Variants in AKAP1 observed in about 807,000 individuals in gnomAD.
AKAP1 encodes the protein A-kinase anchor protein 1, mitochondrial.
Under a neutral mutation model 79.8 loss-of-function variants are expected in AKAP1, and 32 were observed. The ratio of observed to expected loss-of-function variants is 0.40; its 90% confidence interval spans 0.30 to 0.54. The LOEUF is 0.54. AKAP1 is among the 20% of genes least tolerant of loss of function. The probability of loss-of-function intolerance (pLI) is 0.47; values close to 1 mark genes in which losing one functional copy is unlikely to be tolerated. For synonymous variants in AKAP1, 416 were observed against 466.7 expected (o/e 0.89, Z 1.40); for missense variants, 961 against 1,138.9 (o/e 0.84, Z 2.25).
At chr17:57,118,596 T>C in intron 9 of AKAP1, 142 bp downstream of exon 9, 2 of 770,896 alleles carry the variant, frequency 2.6e-6, no homozygotes, top group South Asian at 3.4e-5. Context: ...ATACTTGATA[T>C]TAGTCTGTTC....
chr17:57,110,530 G>T (rs1414968720), intron 3 of AKAP1, among the ~76,000 whole-genome samples: 1 of 152,184 alleles, frequency 6.6e-6, no homozygotes. Context: ...AGTGCTCCAA[G>T]TGTATTTTAT....
rs116385308 is a variant in AKAP1 at position 57,101,049 on chromosome 17, A to G, written c.-24-4392A>G. The stretch of plus-strand genomic sequence containing the variant: ...CCGTCTCAAAAAATTAAATAAAATT[A>G]TTTTTATTGGGCAGCCCCCAAACTA... On this transcript the variant is annotated intron_variant, in intron 1 of 10. Coordinates refer to ENST00000337714, the MANE Select transcript of AKAP1 (RefSeq NM_003488.4). 2.3e-3 allele frequency among the ~76,000 whole-genome samples: 353 copies of G among 152,314 alleles called. 3 individuals are homozygous for G. Among genetic ancestry groups the G allele is most frequent in the African/African-American group, 8.0e-3 (333 of 41,572 alleles).
chr17:57,089,948 T>G (rs1270001871), intron 1 of AKAP1, among the ~76,000 whole-genome samples: 1 of 152,224 alleles, frequency 6.6e-6, no homozygotes, highest in African/African-American at 2.4e-5. Flanking sequence ...TCTCCAAATG[T>G]CAGATGTCAA....
chr17:57,105,954 G>T lies in AKAP1; in HGVS notation c.490G>T (p.Val164Leu). Residue 164 changes from valine (V) to leucine (L), a missense_variant, in exon 2 of 11, where the codon GTG becomes TTG. Val to Leu is a conservative substitution (Grantham distance 32, BLOSUM62 1). Coordinates refer to ENST00000337714, the MANE Select transcript of AKAP1 (RefSeq NM_003488.4). ...GVLFSSKSAE[V>L]CKQDSPFSRV... is the part of the protein sequence containing the mutation. ...ACTATTCTCCAGCAAATCAGCTGAG[G>T]TGTGTAAGCAAGATTCCCCCTTCAG... 1 of 1,614,226 alleles carries T rather than the reference G, an allele frequency of 6.2e-7. No homozygotes were observed. The highest frequency in any genetic ancestry group is 8.5e-7 in the Non-Finnish European group (1 of 1,180,044).
chr17:57,096,379 G>A (rs974990429), intron 1 of AKAP1: 1 of 152,204 alleles, frequency 6.6e-6, no homozygotes, highest in African/African-American at 2.4e-5. Flanking sequence ...CTGGGAAAGT[G>A]TCCCGAGTTC....
At chr17:57,091,679 A>ATTATTTATTTATTTATTTATTTAT (rs368217273) in intron 1 of AKAP1, among the ~76,000 whole-genome samples, 4 of 150,896 alleles carry the variant, frequency 2.7e-5, no homozygotes, top group African/African-American at 9.8e-5. Context: ...CATTAAAAAC[A>ATTATTTATTTATTTATTTATTTAT]TTATTTATTT....
At position 57,110,147 on chromosome 17, in the gene AKAP1, G is replaced by A. The variant is rs757287031; in HGVS notation, c.1837G>A (p.Glu613Lys). Reference protein sequence around the residue: ...KKVDLIIWEIEVPKHLVGRLI... With the variant: ...KKVDLIIWEIKVPKHLVGRLI... The stretch of plus-strand genomic sequence containing the variant: ...GGTCGACCTCATCATCTGGGAGATC[G>A]AGGTGCCAAAGGTAGGGGCGGAGTC... The change falls in exon 3 of 11, where the codon GAG (glutamate) becomes AAG (lysine). Residue 613 changes from glutamate (E) to lysine (K), a missense_variant. Around this residue, in one of 3 missense-constraint regions of AKAP1, gnomAD observed 629 missense variants for 781.1 expected, o/e 0.81. Coordinates refer to ENST00000337714, the MANE Select transcript of AKAP1 (RefSeq NM_003488.4). 2.0e-5 allele frequency: 33 copies of A among 1,613,812 alleles called. No individual in the cohort carries two copies. The highest frequency in any genetic ancestry group is 2.2e-5 in the South Asian group (2 of 91,060).
intron 3 of AKAP1, among the ~76,000 whole-genome samples, chr17:57,111,526 C>T (rs939266674): frequency 1.3e-5 from 2 of 152,172 alleles, no homozygotes; most frequent in African/African-American, 2.4e-5. Context: ...CTGCCTGGTT[C>T]GACTTCCTGG....
At chr17:57,117,427 C>T (rs1259761875) in intron 8 of AKAP1, among the ~76,000 whole-genome samples, 1 of 152,184 alleles carries the variant, frequency 6.6e-6, no homozygotes, top group Non-Finnish European at 1.5e-5. Flanking sequence ...GTCTTTGATG[C>T]TGGCTGTGAG....
rs202167563 is a variant in AKAP1 at position 57,102,643 on chromosome 17, T to TG, written c.-24-2798_-24-2797insG. Among the ~76,000 whole-genome samples the TG allele has an allele frequency of 6.0e-3, 911 of 152,124 alleles. 6 individuals are homozygous for TG. Among genetic ancestry groups the TG allele is most frequent in the African/African-American group, 0.021 (860 of 41,468 alleles). On this transcript the variant is annotated intron_variant, in intron 1 of 10. Coordinates refer to ENST00000337714, the MANE Select transcript of AKAP1 (RefSeq NM_003488.4). ...CAACTCCCGGCTCTCTCTCTTTTTTTTTTGTATTTTTAGTAGAAACAGGGT... is the reference window on the plus strand; with the variant it reads ...CAACTCCCGGCTCTCTCTCTTTTTTTGTTTGTATTTTTAGTAGAAACAGGGT...
At chr17:57,101,415 G>A (rs553050289) in intron 1 of AKAP1, among the ~76,000 whole-genome samples, 165 of 152,056 alleles carry the variant, frequency 1.1e-3, no homozygotes, top group African/African-American at 3.7e-3. Flanking sequence ...GGCCTCAAGC[G>A]ATTTGCCGCC....
chr17:57,095,797 A>T (rs1162123498), intron 1 of AKAP1: 1 of 151,874 alleles, frequency 6.6e-6, no homozygotes, highest in Non-Finnish European at 1.5e-5. Flanking sequence ...TTGCCATTTC[A>T]TACTTTTTGG....
intron 1 of AKAP1, chr17:57,085,942 C>G (rs1913417624): frequency 5.9e-6 from 1 of 169,626 alleles, no homozygotes; most frequent in South Asian, 1.3e-4. Flanking sequence ...CCTCGGCTCG[C>G]CCGCCGGCGC....
intron 2 of AKAP1, 51 bp from the exon 3 acceptor site, chr17:57,109,974 G>T (rs1237305756): frequency 1.3e-6 from 2 of 1,594,444 alleles, no homozygotes; most frequent in Non-Finnish European, 1.7e-6. Context: ...GTTACTGGCT[G>T]CTCTGAGTGG....
rs1271167681 is a variant in AKAP1, at chr17:57,118,526, T to G, written c.2574+72T>G. ...GGAACTGACCTTTCAATGCCTTCTT[T>G]CCTGTGGCTTGGCCCTGGATTGACC... On this transcript the variant is annotated intron_variant, in intron 9 of 10. Coordinates refer to ENST00000337714, the MANE Select transcript of AKAP1 (RefSeq NM_003488.4). 6.7e-6 allele frequency: 10 copies of G among 1,498,586 alleles called. No homozygotes were observed. The East Asian group carries it at 6.8e-5, about 10-fold the overall frequency. 92.8% of individuals were successfully genotyped at this position (1,498,586 alleles called of 1,614,324 possible).
chr17:57,092,848 G>C (rs1305428794), intron 1 of AKAP1: 2 of 152,244 alleles, frequency 1.3e-5, no homozygotes, highest in African/African-American at 2.4e-5. Flanking sequence ...TGAGAGCCAT[G>C]CTCTGCCTCA....
chr17:57,102,043 T>C (rs1914549469), intron 1 of AKAP1, among the ~76,000 whole-genome samples: 1 of 152,192 alleles, frequency 6.6e-6, no homozygotes, highest in Non-Finnish European at 1.5e-5. Flanking sequence ...TGTTTGTTAA[T>C]CCCAATTTTG....
At chr17:57,093,681 G>T (rs961498703) in intron 1 of AKAP1, 1 of 152,132 alleles carries the variant, frequency 6.6e-6, no homozygotes, top group Non-Finnish European at 1.5e-5. Flanking sequence ...TCTTAATAAC[G>T]TGTTTTCTAT....
Position 57,118,964 on chromosome 17 carries a change from T to A in AKAP1, c.2575-18T>A. The stretch of plus-strand genomic sequence containing the variant: ...CACAAAACCTAACCATATTATTCTT[T>A]CCACCCCCCTTCTTCAGGTGACAAG... On this transcript the variant is annotated intron_variant, in intron 9 of 10. Transcript: ENST00000337714. 1 of 1,612,740 alleles carries A rather than the reference T, an allele frequency of 6.2e-7. No homozygotes were observed. The highest frequency in any genetic ancestry group is 8.5e-7 in the Non-Finnish European group (1 of 1,178,828).
Sources: allele counts gnomAD v4.1 joint callset (sites outside exome capture counted in the v4.1 genomes callset), GRCh38; gene constraint gnomAD v4.1.1; regional missense constraint gnomAD v4.1.1; transcripts MANE v1.5; gene names NCBI Gene and HGNC (gene_info 2026-07-23, HGNC 2026-07-21).